PTPRD: variants seen among roughly 807,000 people sequenced by gnomAD.
PTPRD encodes receptor-type tyrosine-protein phosphatase delta.
In PTPRD, 34 loss-of-function variants were observed where a neutral mutation model predicts 214.5. The observed-to-expected ratio is 0.16, with a 90% CI of 0.12 to 0.21. The LOEUF (loss-of-function observed/expected upper bound fraction) is 0.21. PTPRD is among the 10% of genes least tolerant of loss of function. PTPRD has a pLI of 1.00. For missense variants in PTPRD, 2,545 were observed against 2,398.7 expected, an observed-to-expected ratio of 1.06 and a Z score of -1.27; for synonymous variants, 1,128 against 845.7, an observed-to-expected ratio of 1.33 and a Z score of -5.79.
At chr9:10,194,710 G>A (rs1010307073) in intron 3 of PTPRD, among the ~76,000 whole-genome samples, 9 of 151,798 alleles carry the variant, frequency 5.9e-5, no homozygotes, top group Admixed American at 5.9e-4. Flanking sequence ...TTCAAAGAAC[G>A]TGAACATTAA....
chr9:8,527,218 T>C, intron 16 of PTPRD, 127 bp downstream of exon 16: 2 of 962,686 alleles, frequency 2.1e-6, no homozygotes, highest in South Asian at 3.2e-5. Flanking sequence ...TGGGAGCCAC[T>C]ACAGAGATCT....
At chr9:9,227,695 C>G (rs1288350817) in intron 9 of PTPRD, among the ~76,000 whole-genome samples, 1 of 152,216 alleles carries the variant, frequency 6.6e-6, no homozygotes, top group Admixed American at 6.6e-5. Flanking sequence ...GAAGCTAGAT[C>G]ACCAATAAGC....
At chr9:9,043,059 C>T (rs895174) in intron 10 of PTPRD, among the ~76,000 whole-genome samples, 1 of 152,152 alleles carries the variant, frequency 6.6e-6, no homozygotes, top group African/African-American at 2.4e-5. Flanking sequence ...CTTTATAGTT[C>T]TCTTGGTGAT....
chr9:8,820,437 T>C (rs767226859), intron 11 of PTPRD, among the ~76,000 whole-genome samples: 30 of 152,174 alleles, frequency 2.0e-4, no homozygotes, highest in Non-Finnish European at 3.7e-4. Context: ...AATATATTTA[T>C]AATTTTAATA....
chr9:9,810,130 G>C (rs1180330768), intron 5 of PTPRD, among the ~76,000 whole-genome samples: 1 of 39,256 alleles, frequency 2.5e-5, no homozygotes, highest in Non-Finnish European at 3.7e-5. Flanking sequence ...TCTACTTCCA[G>C]GTTAAAAAAA....
intron 5 of PTPRD, among the ~76,000 whole-genome samples, chr9:9,847,003 A>T (rs1219855178): frequency 6.6e-6 from 1 of 152,092 alleles, no homozygotes; most frequent in Admixed American, 6.6e-5. Context: ...AGTATGCCAG[A>T]AAAAAATAAA....
chr9:10,221,395 G>C (rs1316323323), intron 3 of PTPRD, among the ~76,000 whole-genome samples: 1 of 151,758 alleles, frequency 6.6e-6, no homozygotes, highest in African/African-American at 2.4e-5. Flanking sequence ...AAAAAACATG[G>C]ATTCTAGAAC....
chr9:10,603,988 T>C (rs1365144967), intron 2 of PTPRD, among the ~76,000 whole-genome samples: 2 of 151,880 alleles, frequency 1.3e-5, no homozygotes, highest in African/African-American at 4.8e-5. Context: ...TTAATAATGT[T>C]AATAACACAC....
intron 5 of PTPRD, among the ~76,000 whole-genome samples, chr9:9,777,969 G>A (rs1183329673): frequency 6.6e-6 from 1 of 152,168 alleles, no homozygotes; most frequent in Admixed American, 6.5e-5. Flanking sequence ...CATGGACAAA[G>A]AGGATATTCC....
intron 7 of PTPRD, among the ~76,000 whole-genome samples, chr9:9,663,558 T>A (rs1423852151): frequency 6.6e-6 from 1 of 151,470 alleles, no homozygotes; most frequent in Non-Finnish European, 1.5e-5. Flanking sequence ...TCCATCCCTA[T>A]CAAACTCCCA....
In PTPRD at chr9:8,361,616, C is replaced by G. The variant is rs189666215; in HGVS notation, c.4661+14320G>C. Among the ~76,000 whole-genome samples, 13 of 152,190 alleles carry G rather than the reference C, an allele frequency of 8.5e-5. No homozygotes were observed. The East Asian group carries it at 2.5e-3, about 29-fold the overall frequency. ...TTTACCTGAGATAAGGTTGCCCAGG[C>G]TATTAAAATCTCAGATGTTGAATGG... On this transcript the variant is annotated intron_variant, in intron 39 of 45. Transcript: ENST00000381196.
chr9:9,943,018 T>C (rs1044081941), intron 4 of PTPRD, among the ~76,000 whole-genome samples: 2 of 151,964 alleles, frequency 1.3e-5, no homozygotes, highest in Non-Finnish European at 2.9e-5. Context: ...GCATCTTCCC[T>C]GCACTAACTC....
At chr9:8,663,000 C>T (rs1232249012) in intron 12 of PTPRD, among the ~76,000 whole-genome samples, 1 of 152,086 alleles carries the variant, frequency 6.6e-6, no homozygotes, top group African/African-American at 2.4e-5. Flanking sequence ...GTTTTGTTTT[C>T]ATACACTTGG....
chr9:10,007,017 A>C (rs886518916), intron 4 of PTPRD, among the ~76,000 whole-genome samples: 5 of 151,842 alleles, frequency 3.3e-5, no homozygotes, highest in African/African-American at 1.2e-4. Flanking sequence ...TGATATACCA[A>C]CTCTCTTGAT....
chr9:9,197,048 G>C (rs2099939010), intron 9 of PTPRD, among the ~76,000 whole-genome samples: 1 of 152,106 alleles, frequency 6.6e-6, no homozygotes. Context: ...AAATGACCAA[G>C]CATCCCCCAA....
At chr9:8,750,119 T>C (rs561464811) in intron 11 of PTPRD, among the ~76,000 whole-genome samples, 1 of 150,844 alleles carries the variant, frequency 6.6e-6, no homozygotes, top group Non-Finnish European at 1.5e-5. Context: ...AAAAAGCAAG[T>C]TCCCTGATAC....
chr9:9,792,328 C>A (rs1378230635), intron 5 of PTPRD, among the ~76,000 whole-genome samples: 1 of 152,100 alleles, frequency 6.6e-6, no homozygotes, highest in Non-Finnish European at 1.5e-5. Context: ...TCTGCCAGCA[C>A]CTATAGTGCA....
intron 7 of PTPRD, among the ~76,000 whole-genome samples, chr9:9,655,618 G>A (rs199631039): frequency 2.5e-5 from 3 of 118,340 alleles, no homozygotes; most frequent in Admixed American, 7.9e-5. Context: ...ACCAAACCAA[G>A]CCAAACCAAA....
intron 7 of PTPRD, among the ~76,000 whole-genome samples, chr9:9,610,976 C>A (rs185228765): frequency 3.3e-5 from 5 of 152,140 alleles, no homozygotes; most frequent in African/African-American, 9.7e-5. Flanking sequence ...AGCAATTAGG[C>A]ACTCAACACA....
Sources: allele counts gnomAD v4.1 joint callset (sites outside exome capture counted in the v4.1 genomes callset), GRCh38; gene constraint gnomAD v4.1.1; transcripts MANE v1.5; gene names NCBI Gene and HGNC (gene_info 2026-07-23, HGNC 2026-07-21).